CFAP44: variants seen among roughly 807,000 people sequenced by gnomAD.
The protein encoded by CFAP44 is cilia and flagella associated protein 44.
A neutral mutation model predicts 216.2 loss-of-function variants in CFAP44; 134 were observed. The ratio of observed to expected loss-of-function variants is 0.62; its 90% confidence interval spans 0.54 to 0.72. The LOEUF (loss-of-function observed/expected upper bound fraction) is 0.72. Among genes scored for constraint, CFAP44 ranks in the 30% least tolerant of loss-of-function variants. The probability of loss-of-function intolerance (pLI) is 0.00; values close to 1 mark genes in which losing one functional copy is unlikely to be tolerated. For synonymous variants in CFAP44, 700 were observed against 727.6 expected, an observed-to-expected ratio of 0.96 and a Z score of 0.61; for missense variants, 2,035 against 2,182.1, an observed-to-expected ratio of 0.93 and a Z score of 1.34.
chr3:113,328,719 A>AAAAAAC (rs1950214110), intron 26 of CFAP44, among the ~76,000 whole-genome samples: 1 of 145,970 alleles, frequency 6.9e-6, no homozygotes, highest in African/African-American at 2.6e-5. Context: ...AAAAAAAAAA[A>AAAAAAC]AAAAAAAAAC....
Position 113,288,448 on chromosome 3 carries a change from GAA to G in CFAP44, c.*3107_*3108del, listed in dbSNP as rs1485023230. ...GAAATGAGAAGCAGAGCAGGGAAGA[GAA>G]GAGAAAAAATAAGATACTGTGATTT... On this transcript the variant is annotated 3_prime_UTR_variant, in exon 35 of 35. Transcript: ENST00000393845. 1 of 152,168 alleles carries G rather than the reference GAA, an allele frequency of 6.6e-6. No homozygotes were observed. Among genetic ancestry groups the G allele is most frequent in the African/African-American group, 2.4e-5 (1 of 41,426 alleles). The allele number at this position is 152,168 out of a possible 1,614,324, so 9.4% of individuals were successfully genotyped here.
chr3:113,301,163 GACAA>G (rs1315014371), intron 32 of CFAP44, among the ~76,000 whole-genome samples: 1 of 152,068 alleles, frequency 6.6e-6, no homozygotes, highest in East Asian at 1.9e-4. Flanking sequence ...TTACAATGAA[GACAA>G]ACAACAGCTA....
At chr3:113,360,552 C>A in intron 21 of CFAP44, 1 of 206,286 alleles carries the variant, frequency 4.8e-6, no homozygotes, top group South Asian at 9.9e-5. Flanking sequence ...TAGTGCTGTC[C>A]AGATTCTTAC....
chr3:113,324,194 T>C (rs1950170394), intron 28 of CFAP44, among the ~76,000 whole-genome samples: 1 of 152,070 alleles, frequency 6.6e-6, no homozygotes, highest in African/African-American at 2.4e-5. Context: ...AAAGAATAAT[T>C]ACCACCAATT....
At chr3:113,297,025 AT>A in intron 32 of CFAP44, 140 bp from the exon 33 acceptor site, 1 of 1,008,636 alleles carries the variant, frequency 9.9e-7, no homozygotes, top group Admixed American at 2.1e-5. Context: ...TTCTTCTGTG[AT>A]TTTTTCTGCT....
At chr3:113,373,379 G>C (rs1559927544) in intron 18 of CFAP44, 32 bp downstream of exon 18, 1 of 1,492,732 alleles carries the variant, frequency 6.7e-7, no homozygotes, top group Non-Finnish European at 9.0e-7. Flanking sequence ...ACAGGATATG[G>C]TTTTTTTAAA....
chr3:113,325,254 T>C (rs1950179157), intron 28 of CFAP44, among the ~76,000 whole-genome samples: 1 of 139,738 alleles, frequency 7.2e-6, no homozygotes, highest in Admixed American at 7.4e-5. Context: ...TGAGCCGAGA[T>C]CACGCCACTG....
In CFAP44 at chr3:113,350,732, G is replaced by A. The variant is rs967581023; in HGVS notation, c.3066-6020C>T. On this transcript the variant is annotated intron_variant, in intron 22 of 34. Coordinates refer to ENST00000393845, the MANE Select transcript of CFAP44 (RefSeq NM_001164496.2). ...GGCTGCTTTGCTAGCAGAAGAAAGT[G>A]GGAAAATAACTTTTAGAGGTAACCT... Among the ~76,000 whole-genome samples, 69 of 152,196 alleles carry A rather than the reference G, an allele frequency of 4.5e-4. 2 individuals carry two copies. The highest frequency in any genetic ancestry group is 1.3e-4 in the Non-Finnish European group (9 of 68,026).
intron 18 of CFAP44, among the ~76,000 whole-genome samples, chr3:113,369,994 T>C (rs1000179539): frequency 6.6e-6 from 1 of 152,160 alleles, no homozygotes; most frequent in African/African-American, 2.4e-5. Context: ...AGTGGATAAA[T>C]TTCTGGACAC....
chr3:113,409,006 C>CAAAAA lies in CFAP44; in HGVS notation c.890+95_890+99dup, dbSNP rs56301009. 1.7e-4 allele frequency: 54 copies of CAAAAA among 319,542 alleles called. 1 individual carries two copies. The highest frequency in any genetic ancestry group is 2.2e-4 in the South Asian group (4 of 18,324). 19.8% of individuals were successfully genotyped at this position (319,542 alleles called of 1,614,324 possible). A position where few individuals can be genotyped will look rare whatever the true frequency, so the allele number is the denominator to read the frequency against. ...ATAATTCTAATGTTAACCAAAACAG[C>CAAAAA]AAAAAAAAAAAAAAAAAAAAAAAGT... On this transcript the variant is annotated intron_variant, in intron 7 of 34. Transcript: ENST00000393845.
chr3:113,320,668 C>A (rs1007336371), intron 28 of CFAP44, among the ~76,000 whole-genome samples: 19 of 151,592 alleles, frequency 1.3e-4, no homozygotes, highest in Admixed American at 1.3e-3. Context: ...AGACTGTCTG[C>A]AAGCTGAGGA....
At chr3:113,344,854 C>T in intron 22 of CFAP44, 142 bp from the exon 23 acceptor site, 1 of 712,212 alleles carries the variant, frequency 1.4e-6, no homozygotes. Context: ...ATATATATAC[C>T]AACCAGGATG....
At chr3:113,340,227 T>A (rs917551015) in intron 24 of CFAP44, among the ~76,000 whole-genome samples, 1 of 152,238 alleles carries the variant, frequency 6.6e-6, no homozygotes, top group African/African-American at 2.4e-5. Flanking sequence ...CTAGGAACAG[T>A]TGGTCTGATT....
intron 32 of CFAP44, 73 bp downstream of exon 32, chr3:113,303,843 G>T: frequency 6.8e-7 from 1 of 1,471,266 alleles, no homozygotes; most frequent in African/African-American, 1.4e-5. Flanking sequence ...TTCACAGTTG[G>T]AGACAGTCAC....
chr3:113,381,093 A>C (rs1933495299), intron 15 of CFAP44, 33 bp from the exon 16 acceptor site: 1 of 1,489,480 alleles, frequency 6.7e-7, no homozygotes, highest in African/African-American at 1.4e-5. Context: ...ATTTACATTT[A>C]GGCAAATTTT....
Position 113,379,312 on chromosome 3 carries a change from A to C in CFAP44, c.2292T>G (p.Val764=), listed in dbSNP as rs758021596. Residue 764 remains valine, a synonymous_variant, in exon 17 of 35, where the codon GTT becomes GTG. Transcript: ENST00000393845. Reference sequence around the variant, plus strand: ...TTATTACATTGTTACTTACCAAAGAAACCCAGAACTTCCCTGGCTCTGAGT... The same window carrying C: ...TTATTACATTGTTACTTACCAAAGACACCCAGAACTTCCCTGGCTCTGAGT... ...GFYSEPGKFW[V]SLGGYDSGFL... 16 of 1,559,672 alleles carry C rather than the reference A, an allele frequency of 1.0e-5. No homozygotes were observed. Among genetic ancestry groups the C allele is most frequent in the Admixed American group, 3.7e-5 (2 of 54,410 alleles).
rs1318903642 is a variant in CFAP44 at position 113,289,335 on chromosome 3, C to T, written c.*2222G>A. On this transcript the variant is annotated 3_prime_UTR_variant, in exon 35 of 35. Transcript: ENST00000393845. ...TCCAGCTCAGTTTGGGAATAATTATCCCGATTAGCTTTCCTCTCAGTTGAA... is the reference window on the plus strand; with the variant it reads ...TCCAGCTCAGTTTGGGAATAATTATTCCGATTAGCTTTCCTCTCAGTTGAA... The T allele has an allele frequency of 1.3e-5, 2 of 152,186 alleles. No homozygotes were observed. Among genetic ancestry groups the T allele is most frequent in the Non-Finnish European group, 2.9e-5 (2 of 68,034 alleles). 9.4% of individuals were successfully genotyped at this position (152,186 alleles called of 1,614,324 possible).
chr3:113,408,494 C>T (rs185215043), intron 7 of CFAP44, among the ~76,000 whole-genome samples: 36 of 152,242 alleles, frequency 2.4e-4, no homozygotes, highest in Non-Finnish European at 4.3e-4. Context: ...AAATACCATC[C>T]CAATGTTAGT....
chr3:113,329,962 A>G (rs145674035), intron 26 of CFAP44, among the ~76,000 whole-genome samples: 139 of 152,278 alleles, frequency 9.1e-4, no homozygotes, highest in Non-Finnish European at 1.5e-3. Context: ...AAAAGTTTAA[A>G]AGCTCTGTAG....
Sources: allele counts gnomAD v4.1 joint callset (sites outside exome capture counted in the v4.1 genomes callset), GRCh38; gene constraint gnomAD v4.1.1; transcripts MANE v1.5; gene names NCBI Gene and HGNC (gene_info 2026-07-23, HGNC 2026-07-21).